The following TTC7B variants were observed in gnomAD, a reference collection of about 807,000 sequenced individuals.
TTC7B encodes the protein tetratricopeptide repeat protein 7B.
Under a neutral mutation model 106.8 loss-of-function variants are expected in TTC7B, and 28 were observed. The observed-to-expected ratio is 0.26, with a 90% CI of 0.19 to 0.36. The LOEUF (loss-of-function observed/expected upper bound fraction) is 0.36, where lower values mean the gene tolerates loss of function less well. Ranked by LOEUF, TTC7B falls within the 10% of genes least tolerant of loss-of-function variation. The pLI, the probability that TTC7B is intolerant of heterozygous loss-of-function variation, is 1.00. For missense variants in TTC7B, 862 were observed against 1,076.4 expected (o/e 0.80, Z 2.79); for synonymous variants, 405 against 430.6 (o/e 0.94, Z 0.74).
chr14:90,717,114 C>A (rs1470486653), intron 5 of TTC7B, among the ~76,000 whole-genome samples: 1 of 152,144 alleles, frequency 6.6e-6, no homozygotes, highest in African/African-American at 2.4e-5. Context: ...CCGAGGCAGG[C>A]AGATCACGAG....
At chr14:90,640,954 G>A (rs1885145444) in intron 15 of TTC7B, among the ~76,000 whole-genome samples, 2 of 152,224 alleles carry the variant, frequency 1.3e-5, no homozygotes, top group African/African-American at 4.8e-5. Flanking sequence ...AGCCTTCCTC[G>A]TTCCTTTCCT....
intron 17 of TTC7B, chr14:90,593,842 A>G: frequency 2.3e-6 from 1 of 429,028 alleles, no homozygotes; most frequent in Admixed American, 4.2e-5. Context: ...AACAGAGCAC[A>G]TGCCCCCTCC....
intron 9 of TTC7B, chr14:90,675,773 A>G (rs1886808436): frequency 6.6e-6 from 1 of 150,438 alleles, no homozygotes; most frequent in African/African-American, 2.4e-5. Flanking sequence ...AGAAAGATAA[A>G]TAACATGGAA....
At position 90,566,763 on chromosome 14, in the gene TTC7B, G is replaced by A. The variant is rs551564994; in HGVS notation, c.2310+11343C>T. On this transcript the variant is annotated intron_variant, in intron 19 of 19. Coordinates refer to ENST00000328459, the MANE Select transcript of TTC7B (RefSeq NM_001010854.2). Reference sequence around the variant, plus strand: ...AGTGGTCTAGAGCCCTGGAACCCTGGCAGAGGCTCCCCTTTAGCTAAGGAG... The same window carrying A: ...AGTGGTCTAGAGCCCTGGAACCCTGACAGAGGCTCCCCTTTAGCTAAGGAG... Among the ~76,000 whole-genome samples the A allele has an allele frequency of 3.9e-5, 6 of 152,282 alleles. No homozygotes were observed. The South Asian group carries it at 1.2e-3, about 32-fold the overall frequency.
intron 19 of TTC7B, among the ~76,000 whole-genome samples, chr14:90,571,710 C>T (rs141939636): frequency 2.0e-5 from 3 of 152,106 alleles, no homozygotes; most frequent in Admixed American, 6.5e-5. Context: ...CATTTGAAAG[C>T]GGGAAGGGTA....
intron 15 of TTC7B, among the ~76,000 whole-genome samples, 166 bp from the exon 16 acceptor site, chr14:90,618,211 C>T (rs2139848832): frequency 6.6e-6 from 1 of 152,328 alleles, no homozygotes; most frequent in South Asian, 2.1e-4. Context: ...ACTCCTGGCT[C>T]AAGGTGTTGC....
chr14:90,593,768 CG>C (rs1555378717), intron 17 of TTC7B, 142 bp from the exon 18 acceptor site: 19 of 783,686 alleles, frequency 2.4e-5, no homozygotes, highest in Non-Finnish European at 1.8e-6. Context: ...CAGAGAAACG[CG>C]GGCAATCACG....
rs2031194438 is a variant in TTC7B, at chr14:90,816,402, G to C, written c.-107C>G. ...GCCGCGGGCTCGGGCTCCGGCTCCC[G>C]GCTCCGCGGCGTAACGGGAGCGCCG... On this transcript the variant is annotated 5_prime_UTR_variant, in exon 1 of 20. Coordinates refer to ENST00000328459, the MANE Select transcript of TTC7B (RefSeq NM_001010854.2). 1.7e-5 allele frequency: 10 copies of C among 586,798 alleles called. No homozygotes were observed. The highest frequency in any genetic ancestry group is 2.1e-5 in the Non-Finnish European group (10 of 470,996). 36.3% of individuals were successfully genotyped at this position (586,798 alleles called of 1,614,324 possible).
At chr14:90,800,718 G>C in intron 1 of TTC7B, among the ~76,000 whole-genome samples, 1 of 152,050 alleles carries the variant, frequency 6.6e-6, no homozygotes, top group Non-Finnish European at 1.5e-5. Context: ...GGCTGAGGCA[G>C]GAGAATGGTG....
chr14:90,622,172 C>T (rs938920381), intron 15 of TTC7B, among the ~76,000 whole-genome samples: 21 of 147,358 alleles, frequency 1.4e-4, no homozygotes, highest in East Asian at 6.0e-4. Context: ...GGCTGGAGTG[C>T]GGTGGTGTGA....
intron 15 of TTC7B, among the ~76,000 whole-genome samples, chr14:90,630,797 T>C (rs1226508221): frequency 6.6e-6 from 1 of 152,172 alleles, no homozygotes; most frequent in Non-Finnish European, 1.5e-5. Context: ...TTTTCATCTA[T>C]GTTGGTACAT....
At chr14:90,738,519 A>G (rs1386242310) in intron 4 of TTC7B, among the ~76,000 whole-genome samples, 1 of 152,122 alleles carries the variant, frequency 6.6e-6, no homozygotes, top group Non-Finnish European at 1.5e-5. Context: ...AGGCAGGAGA[A>G]TCACTTGAAC....
chr14:90,593,922 G>A (rs764466877), intron 17 of TTC7B: 8 of 261,094 alleles, frequency 3.1e-5, no homozygotes, highest in Non-Finnish European at 5.0e-5. Flanking sequence ...TGATACTGGC[G>A]TTTAAAAATC....
chr14:90,609,907 A>G (rs1892804980), intron 17 of TTC7B, among the ~76,000 whole-genome samples: 1 of 152,248 alleles, frequency 6.6e-6, no homozygotes, highest in South Asian at 2.1e-4. Flanking sequence ...AATACAACAC[A>G]AGTGGAAAAT....
chr14:90,567,297 G>C (rs551893769), intron 19 of TTC7B, among the ~76,000 whole-genome samples: 3 of 152,360 alleles, frequency 2.0e-5, no homozygotes, highest in Admixed American at 6.5e-5. Context: ...GGCAACTCAG[G>C]CACGTCCTGG....
chr14:90,526,966 C>T lies in TTC7B; in HGVS notation c.*14402G>A, dbSNP rs1243726102. The T allele has an allele frequency of 6.6e-6, 1 of 152,170 alleles. No individual in the cohort carries two copies. Among genetic ancestry groups the T allele is most frequent in the East Asian group, 1.9e-4 (1 of 5,202 alleles). 9.4% of individuals were successfully genotyped at this position (152,170 alleles called of 1,614,324 possible). A position where few individuals can be genotyped will look rare whatever the true frequency, so the allele number is the denominator to read the frequency against. On this transcript the variant is annotated 3_prime_UTR_variant, in exon 20 of 20. Coordinates refer to ENST00000328459, the MANE Select transcript of TTC7B (RefSeq NM_001010854.2). ...CGTACCACCTAATATTTAGCTATGT[C>T]TTCATGGGCTTCTCTGGTTTTCGTC...
At chr14:90,687,588 A>G (rs1418353317) in intron 7 of TTC7B, among the ~76,000 whole-genome samples, 1 of 152,222 alleles carries the variant, frequency 6.6e-6, no homozygotes, top group Non-Finnish European at 1.5e-5. Context: ...AAGCAGGGGA[A>G]AACTTTAGAG....
intron 12 of TTC7B, among the ~76,000 whole-genome samples, chr14:90,654,355 T>G (rs142521817): frequency 6.6e-6 from 1 of 152,322 alleles, no homozygotes; most frequent in East Asian, 1.9e-4. Flanking sequence ...GATAAAAGAA[T>G]AGTAACAGTT....
chr14:90,618,854 C>T (rs1025160399), intron 15 of TTC7B, among the ~76,000 whole-genome samples: 1 of 152,190 alleles, frequency 6.6e-6, no homozygotes, highest in Admixed American at 6.5e-5. Flanking sequence ...TGGTGTTCTT[C>T]CTGTCCCCTG....
Sources: gnomAD v4.1 joint callset for allele counts (sites outside exome capture counted in the v4.1 genomes callset) on GRCh38, gnomAD v4.1.1 for gene constraint, MANE v1.5 for transcripts, NCBI Gene and HGNC (gene_info 2026-07-23, HGNC 2026-07-21) for gene names.